SHQ1: variants seen among roughly 807,000 people sequenced by gnomAD.
SHQ1 encodes the protein protein SHQ1 homolog.
A neutral mutation model predicts 53.8 loss-of-function variants in SHQ1; 49 were observed. The observed-to-expected ratio is 0.91, with a 90% confidence interval of 0.72 to 1.16. The LOEUF (loss-of-function observed/expected upper bound fraction) is 1.16, where lower values mean the gene tolerates loss of function less well. Ranked by LOEUF, SHQ1 falls within the 50% of genes most tolerant of loss-of-function variation. The probability of loss-of-function intolerance (pLI) is 0.00; values close to 1 mark genes in which losing one functional copy is unlikely to be tolerated. For synonymous variants in SHQ1, 243 were observed against 251.0 expected (o/e 0.97, Z 0.30); for missense variants, 738 against 683.1 (o/e 1.08, Z -0.90).
chr3:72,732,661 TG>T, the SHQ1 span, among the ~76,000 whole-genome samples: 3 of 151,626 alleles, frequency 2.0e-5, no homozygotes, highest in African/African-American at 7.3e-5. Flanking sequence ...GGACTTGTAT[TG>T]TCTTTAGTAG....
intron 10 of SHQ1, among the ~76,000 whole-genome samples, chr3:72,765,110 C>G (rs978361719): frequency 2.0e-5 from 3 of 152,172 alleles, no homozygotes; most frequent in Non-Finnish European, 4.4e-5. Flanking sequence ...CTTTCCTTAG[C>G]CCCCCTTCTA....
At chr3:72,830,485 T>G (rs1394180992) in intron 5 of SHQ1, among the ~76,000 whole-genome samples, 3 of 152,034 alleles carry the variant, frequency 2.0e-5, no homozygotes, top group Non-Finnish European at 4.4e-5. Context: ...TCCACTGTTT[T>G]AACCACTAAC....
chr3:72,727,133 C>T, the SHQ1 span, among the ~76,000 whole-genome samples: 2 of 152,228 alleles, frequency 1.3e-5, no homozygotes, highest in South Asian at 2.1e-4. Flanking sequence ...AGGGGGTCCA[C>T]GAAGGGCCAT....
Position 72,848,442 on chromosome 3 carries a change from A to G in SHQ1, c.-102T>C. The G allele has an allele frequency of 2.0e-6, 3 of 1,523,852 alleles. No individual in the cohort carries two copies. Among genetic ancestry groups the G allele is most frequent in the Non-Finnish European group, 2.6e-6 (3 of 1,140,872 alleles). 94.4% of individuals were successfully genotyped at this position (1,523,852 alleles called of 1,614,324 possible). ...CCCACGCGCAGGAACTCTCGGTGTG[A>G]GGGACGGAGCTTCCGGCTCGAGGCG... On this transcript the variant is annotated 5_prime_UTR_variant, in exon 1 of 11. Transcript: ENST00000325599.
At chr3:72,776,635 C>T (rs1705962250) in intron 10 of SHQ1, among the ~76,000 whole-genome samples, 1 of 151,826 alleles carries the variant, frequency 6.6e-6, no homozygotes, top group South Asian at 2.1e-4. Context: ...AATGAGTAAA[C>T]CTTTAATGGA....
At chr3:72,737,702 G>A in the SHQ1 span, among the ~76,000 whole-genome samples, 1 of 152,162 alleles carries the variant, frequency 6.6e-6, no homozygotes, top group Non-Finnish European at 1.5e-5. Context: ...ACACGGTACT[G>A]TTTAGGGAAT....
intron 1 of SHQ1, 48 bp downstream of exon 1, chr3:72,848,150 G>C: frequency 3.7e-6 from 6 of 1,609,040 alleles, no homozygotes; most frequent in Non-Finnish European, 5.1e-6. Flanking sequence ...CTCTAAAGCA[G>C]CTATCTAACG....
intron 9 of SHQ1, among the ~76,000 whole-genome samples, chr3:72,811,381 G>C (rs1707118323): frequency 6.6e-6 from 1 of 152,184 alleles, no homozygotes; most frequent in African/African-American, 2.4e-5. Context: ...GTCATTTATA[G>C]TAGATTGATT....
chr3:72,839,374 T>C (rs1708092574), intron 4 of SHQ1, among the ~76,000 whole-genome samples: 1 of 152,182 alleles, frequency 6.6e-6, no homozygotes, highest in Non-Finnish European at 1.5e-5. Flanking sequence ...AGACCACAAC[T>C]CAGCAGAAAA....
intron 10 of SHQ1, among the ~76,000 whole-genome samples, chr3:72,761,113 A>G (rs1264461270): frequency 6.6e-6 from 1 of 152,220 alleles, no homozygotes; most frequent in African/African-American, 2.4e-5. Flanking sequence ...TATCTGACAC[A>G]GACTACAGAT....
chr3:72,823,084 G>A (rs544581280), intron 6 of SHQ1, among the ~76,000 whole-genome samples: 11 of 149,580 alleles, frequency 7.4e-5, no homozygotes, highest in African/African-American at 2.5e-4. Context: ...GGGAGGCAGA[G>A]CTTGCAGTAA....
At position 72,817,362 on chromosome 3, in the gene SHQ1, CTTCTCT is replaced by C. The variant is rs1707350819; in HGVS notation, c.744_749del (p.Glu249_Lys250del). The C allele has an allele frequency of 6.2e-7, 1 of 1,610,594 alleles. No homozygotes were observed. Among genetic ancestry groups the C allele is most frequent in the African/African-American group, 1.3e-5 (1 of 74,898 alleles). ...TATTGACAAATTTTCGTAGCTGATA[CTTCTCT>C]TCTTCAGAAAAAGACACTAGAAGAA... On this transcript the variant is annotated inframe_deletion, in exon 7 of 11. Coordinates refer to ENST00000325599, the MANE Select transcript of SHQ1 (RefSeq NM_018130.3).
chr3:72,838,850 G>A (rs1708074106), intron 4 of SHQ1, among the ~76,000 whole-genome samples: 1 of 151,802 alleles, frequency 6.6e-6, no homozygotes, highest in South Asian at 2.1e-4. Flanking sequence ...TTAGACAGGA[G>A]TCAACTATAT....
At chr3:72,794,152 C>G (rs374773117) in intron 9 of SHQ1, 1 of 152,134 alleles carries the variant, frequency 6.6e-6, no homozygotes. Flanking sequence ...AGTTCTGAAA[C>G]GCGGAAATAC....
the SHQ1 span, among the ~76,000 whole-genome samples, chr3:72,730,877 A>G: frequency 6.6e-6 from 1 of 150,450 alleles, no homozygotes; most frequent in African/African-American, 2.4e-5. Flanking sequence ...CCTCACATAG[A>G]TACAAAGATA....
chr3:72,782,772 G>C (rs1477627342), intron 10 of SHQ1, among the ~76,000 whole-genome samples: 1 of 152,182 alleles, frequency 6.6e-6, no homozygotes, highest in African/African-American at 2.4e-5. Context: ...TGACTCCATT[G>C]AAAGAATGCT....
chr3:72,805,143 C>G (rs920017518), intron 9 of SHQ1, among the ~76,000 whole-genome samples: 2 of 151,912 alleles, frequency 1.3e-5, no homozygotes, highest in Admixed American at 6.6e-5. Context: ...TACTTCAGCT[C>G]TTTTCTGATT....
intron 10 of SHQ1, among the ~76,000 whole-genome samples, chr3:72,786,673 A>G (rs977539565): frequency 1.3e-5 from 2 of 152,164 alleles, no homozygotes; most frequent in Non-Finnish European, 2.9e-5. Flanking sequence ...TGTAGCCGCT[A>G]TTGGGTATAA....
At chr3:72,844,709 CAAGTT>C (rs1350952444) in intron 1 of SHQ1, among the ~76,000 whole-genome samples, 1 of 152,120 alleles carries the variant, frequency 6.6e-6, no homozygotes, top group Admixed American at 6.5e-5. Flanking sequence ...TGTTATAACA[CAAGTT>C]GAGTATCCCT....
Sources: gnomAD v4.1 joint callset for allele counts (sites outside exome capture counted in the v4.1 genomes callset) on GRCh38, gnomAD v4.1.1 for gene constraint, MANE v1.5 for transcripts, NCBI Gene and HGNC (gene_info 2026-07-23, HGNC 2026-07-21) for gene names.